The following ZDHHC16 variants were observed in gnomAD, a reference collection of about 807,000 sequenced individuals.
The protein encoded by ZDHHC16 is palmitoyltransferase ZDHHC16.
In ZDHHC16, 33 loss-of-function variants were observed where a neutral mutation model predicts 54.4. The observed-to-expected ratio is 0.61, with a 90% CI of 0.46 to 0.81. The LOEUF (loss-of-function observed/expected upper bound fraction) is 0.81, where lower values mean the gene tolerates loss of function less well. Ranked by LOEUF, ZDHHC16 falls within the 30% of genes least tolerant of loss-of-function variation. The pLI, the probability that ZDHHC16 is intolerant of heterozygous loss-of-function variation, is 0.00. For synonymous variants in ZDHHC16, 185 were observed against 182.1 expected (o/e 1.02, Z -0.13); for missense variants, 420 against 485.9 (o/e 0.86, Z 1.28).
intron 2 of ZDHHC16, 65 bp from the exon 3 acceptor site, chr10:97,451,606 C>T: frequency 6.4e-7 from 1 of 1,553,566 alleles, no homozygotes; most frequent in Non-Finnish European, 8.7e-7. Context: ...TACTCTAGGC[C>T]TTCCCACTAG....
Position 97,452,943 on chromosome 10 carries a change from T to G in ZDHHC16, c.556+20T>G. The G allele has an allele frequency of 2.5e-6, 4 of 1,614,244 alleles. No individual in the cohort carries two copies. Among genetic ancestry groups the G allele is most frequent in the Non-Finnish European group, 2.5e-6 (3 of 1,180,048 alleles). ...ACTGCCGTATCCTTTTGCTTTCTCTTCTGCCTGAGGCCTTCTTTAGCTCCA... is the reference window on the plus strand; with the variant it reads ...ACTGCCGTATCCTTTTGCTTTCTCTGCTGCCTGAGGCCTTCTTTAGCTCCA... On this transcript the variant is annotated intron_variant, in intron 6 of 11. Transcript: ENST00000393760.
In ZDHHC16 at chr10:97,455,586, C is replaced by A. The variant is rs571910959; in HGVS notation, c.825-74C>A. 4.6e-4 allele frequency: 743 copies of A among 1,611,834 alleles called. 2 individuals carry two copies. The highest frequency in any genetic ancestry group is 3.1e-3 in the South Asian group (282 of 90,926). ...AGAGGTTCCAAACCAGTTGTTACTGCTTAGCTCAATTTCAGACATACTTCC... is the reference window on the plus strand; with the variant it reads ...AGAGGTTCCAAACCAGTTGTTACTGATTAGCTCAATTTCAGACATACTTCC... On this transcript the variant is annotated intron_variant, in intron 9 of 11. Transcript: ENST00000393760.
chr10:97,447,916 T>G (rs1164145247), intron 1 of ZDHHC16, among the ~76,000 whole-genome samples: 1 of 144,028 alleles, frequency 6.9e-6, no homozygotes, highest in Non-Finnish European at 1.5e-5. Flanking sequence ...AGAGTGAAAC[T>G]CCATCTCAAA....
intron 1 of ZDHHC16, among the ~76,000 whole-genome samples, chr10:97,449,214 GAGAAT>G: frequency 7.3e-6 from 1 of 136,588 alleles, no homozygotes; most frequent in Admixed American, 7.9e-5. Flanking sequence ...CTGAAAAGTG[GAGAAT>G]AGAAGTTTTT....
At position 97,457,066 on chromosome 10, in the gene ZDHHC16, A is replaced by G. The variant is rs916563607; in HGVS notation, c.*175A>G. The G allele has an allele frequency of 6.9e-6, 3 of 435,682 alleles. No homozygotes were observed. Among genetic ancestry groups the G allele is most frequent in the Non-Finnish European group, 1.2e-5 (3 of 244,906 alleles). 27.0% of individuals were successfully genotyped at this position (435,682 alleles called of 1,614,324 possible). A position where few individuals can be genotyped will look rare whatever the true frequency, so the allele number is the denominator to read the frequency against. ...CTTTTTACCACTGCAGAAGAAAGAC[A>G]CAATGTGGAGAAATCTTAGGACTGA... On this transcript the variant is annotated 3_prime_UTR_variant, in exon 12 of 12. Coordinates refer to ENST00000393760, the MANE Select transcript of ZDHHC16 (RefSeq NM_198046.3).
chr10:97,453,707 G>A lies in ZDHHC16; in HGVS notation c.690+44G>A, dbSNP rs57076131. 7.8e-3 allele frequency: 12,554 copies of A among 1,614,044 alleles called. 323 individuals carry two copies. The African/African-American group carries it at 0.083, about 11-fold the overall frequency. On this transcript the variant is annotated intron_variant, in intron 7 of 11. Coordinates refer to ENST00000393760, the MANE Select transcript of ZDHHC16 (RefSeq NM_198046.3). ...GGGCAGCTCAGTAGTGCAGAACTTC[G>A]GGATGTAGAACCTGTCCCTAAGGAA...
chr10:97,451,545 G>C, intron 2 of ZDHHC16, 126 bp from the exon 3 acceptor site: 4 of 1,332,076 alleles, frequency 3.0e-6, no homozygotes, highest in Non-Finnish European at 4.1e-6. Context: ...TCTCACAGTT[G>C]GTGACTGGCC....
In ZDHHC16 at chr10:97,456,822, T is replaced by G. The variant is rs748969115; in HGVS notation, c.1065T>G (p.His355Gln). Residue 355 changes from histidine to glutamine, a missense_variant, in exon 12 of 12, where the codon CAT becomes CAG. Transcript: ENST00000393760. ...TCTTACCTTCTAGTCACTTGCCCCA[T>G]GGGAATGGAATGAGCTGGGAGCCCC... Reference protein sequence around the residue: ...RVLLPSSHLPHGNGMSWEPPP... With the variant: ...RVLLPSSHLPQGNGMSWEPPP... The G allele has an allele frequency of 8.7e-6, 14 of 1,613,748 alleles. No individual in the cohort carries two copies. The highest frequency in any genetic ancestry group is 1.6e-4 in the Middle Eastern group (1 of 6,084).
At chr10:97,455,556 G>A (rs1349978664) in intron 9 of ZDHHC16, 104 bp from the exon 10 acceptor site, 1 of 1,583,780 alleles carries the variant, frequency 6.3e-7, no homozygotes, top group Middle Eastern at 1.7e-4. Context: ...GGAAGACTTA[G>A]GTAGAGAGGT....
In ZDHHC16 at chr10:97,452,915, A is replaced by G; in HGVS notation, c.548A>G (p.His183Arg). 1.2e-6 allele frequency: 2 copies of G among 1,614,158 alleles called. No homozygotes were observed. The highest frequency in any genetic ancestry group is 1.7e-6 in the Non-Finnish European group (2 of 1,180,022). ...CACAGGTGTGTGCTGAAGATGGATC[A>G]CCACTGCCGTATCCTTTTGCTTTCT... ...ICNRCVLKMD[H>R]HCPWLNNCVG... is the part of the protein sequence containing the mutation. Residue 183 changes from histidine (H) to arginine (R), a missense_variant, in exon 6 of 12, where the codon CAC becomes CGC. Coordinates refer to ENST00000393760, the MANE Select transcript of ZDHHC16 (RefSeq NM_198046.3).
intron 6 of ZDHHC16, among the ~76,000 whole-genome samples, chr10:97,453,193 T>C (rs1445419918): frequency 6.6e-6 from 1 of 152,242 alleles, no homozygotes. Flanking sequence ...GGTTGTTTAC[T>C]GTGTACGCCA....
rs1358194258 is a variant in ZDHHC16 at position 97,452,171 on chromosome 10, A to T, written c.325A>T (p.Thr109Ser). ...GTGTGTCCTGCCTCTCATCCTCCGA[A>T]CCTACTCAGTGCCACGACTCTGCTG... is the stretch of plus-strand genomic sequence containing the variant. The part of the protein sequence containing the change: ...YLCVLPLILR[T>S]YSVPRLCWHF... The change falls in exon 4 of 12, where the codon ACC becomes TCC. Residue 109 changes from threonine to serine, a missense_variant. Transcript: ENST00000393760. The T allele has an allele frequency of 1.9e-6, 3 of 1,613,876 alleles. No individual in the cohort carries two copies. The Admixed American group carries it at 5.0e-5, about 27-fold the overall frequency.
chr10:97,451,576 G>C (rs1157370549), intron 2 of ZDHHC16, 95 bp from the exon 3 acceptor site: 1 of 1,504,826 alleles, frequency 6.6e-7, no homozygotes, highest in African/African-American at 1.4e-5. Flanking sequence ...TTAGTCTTAG[G>C]TCTTTGCCCT....
Position 97,451,797 on chromosome 10 carries a change from A to G in ZDHHC16, c.122A>G (p.Tyr41Cys). The change falls in exon 3 of 12, where the codon TAC (tyrosine) becomes TGC (cysteine). Residue 41 changes from tyrosine (Y) to cysteine (C), a missense_variant. Transcript: ENST00000393760. ...LLRGLVQRWR[Y>C]GKVCLRSLLY... Reference sequence around the variant, plus strand: ...CGGGGTCTAGTACAGCGCTGGCGCTACGGCAAGGTCTGCCTGCGCTCCCTG... The same window carrying G: ...CGGGGTCTAGTACAGCGCTGGCGCTGCGGCAAGGTCTGCCTGCGCTCCCTG... The G allele has an allele frequency of 6.2e-7, 1 of 1,614,246 alleles. No homozygotes were observed. The highest frequency in any genetic ancestry group is 8.5e-7 in the Non-Finnish European group (1 of 1,180,048).
rs189774006 is a variant in ZDHHC16, at chr10:97,447,651, G to T, written c.-186+1298G>T. Among the ~76,000 whole-genome samples, 44 of 152,336 alleles carry T rather than the reference G, an allele frequency of 2.9e-4. No individual in the cohort carries two copies. The East Asian group carries it at 5.6e-3, about 19-fold the overall frequency. ...AGATGAAAAGTCTGGGCCAGGTGCG[G>T]TGGCTCACGCCTGCAATCCCAGCAC... On this transcript the variant is annotated intron_variant, in intron 1 of 11. Transcript: ENST00000393760.
At position 97,453,511 on chromosome 10, in the gene ZDHHC16, T is replaced by C; in HGVS notation, c.557-19T>C. ...CTGAAATTGTGTTTGATTCTAGTCC[T>C]TAATCATTTCCCAACCAGCCTGGCT... is the stretch of plus-strand genomic sequence containing the variant. On this transcript the variant is annotated intron_variant, in intron 6 of 11. Coordinates refer to ENST00000393760, the MANE Select transcript of ZDHHC16 (RefSeq NM_198046.3). The C allele has an allele frequency of 6.2e-7, 1 of 1,613,274 alleles. No individual in the cohort carries two copies. The highest frequency in any genetic ancestry group is 8.5e-7 in the Non-Finnish European group (1 of 1,179,748).
chr10:97,453,694 AG>A, intron 7 of ZDHHC16, 31 bp downstream of exon 7: 1 of 1,614,162 alleles, frequency 6.2e-7, no homozygotes, highest in Non-Finnish European at 8.5e-7. Context: ...GCAGCTCAGT[AG>A]TGCAGAACTT....
At position 97,457,077 on chromosome 10, in the gene ZDHHC16, A is replaced by G; in HGVS notation, c.*186A>G. The G allele has an allele frequency of 2.4e-6, 1 of 416,056 alleles. No individual in the cohort carries two copies. Among genetic ancestry groups the G allele is most frequent in the East Asian group, 3.7e-5 (1 of 26,710 alleles). The allele number at this position is 416,056 out of a possible 1,614,324, so 25.8% of individuals were successfully genotyped here. A position where few individuals can be genotyped will look rare whatever the true frequency, so the allele number is the denominator to read the frequency against. On this transcript the variant is annotated 3_prime_UTR_variant, in exon 12 of 12. Transcript: ENST00000393760. ...TGCAGAAGAAAGACACAATGTGGAGAAATCTTAGGACTGACATCCCTTTAC... is the reference window on the plus strand; with the variant it reads ...TGCAGAAGAAAGACACAATGTGGAGGAATCTTAGGACTGACATCCCTTTAC...
chr10:97,453,015 G>C (rs1325403239), intron 6 of ZDHHC16, 92 bp downstream of exon 6: 11 of 1,526,906 alleles, frequency 7.2e-6, no homozygotes, highest in African/African-American at 2.7e-5. Context: ...TCACCGTGCA[G>C]AGAACACTGG....
Sources: gnomAD v4.1 joint callset for allele counts (sites outside exome capture counted in the v4.1 genomes callset) on GRCh38, gnomAD v4.1.1 for gene constraint, MANE v1.5 for transcripts, NCBI Gene and HGNC (gene_info 2026-07-23, HGNC 2026-07-21) for gene names.